The following AHCYL1 variants were observed in gnomAD, a reference collection of about 807,000 sequenced individuals.
AHCYL1 encodes S-adenosylhomocysteine hydrolase-like protein 1.
In AHCYL1, 20 loss-of-function variants were observed where a neutral mutation model predicts 79.3. The ratio of observed to expected loss-of-function variants is 0.25; its 90% CI spans 0.18 to 0.37. AHCYL1 has a LOEUF of 0.37. Among genes scored for constraint, AHCYL1 ranks in the 10% least tolerant of loss-of-function variants. AHCYL1 has a pLI of 1.00. For missense variants in AHCYL1, 330 were observed against 673.6 expected (o/e 0.49, Z 5.65); for synonymous variants, 223 against 242.2 (o/e 0.92, Z 0.74).
At chr1:109,991,908 T>C (rs905507358) in intron 1 of AHCYL1, among the ~76,000 whole-genome samples, 2 of 152,232 alleles carry the variant, frequency 1.3e-5, no homozygotes, top group East Asian at 3.8e-4. Context: ...CTCCAACTCT[T>C]CTAGTACTTA....
intron 1 of AHCYL1, chr1:110,004,289 G>C (rs1254077184): frequency 1.0e-6 from 1 of 985,438 alleles, no homozygotes; most frequent in South Asian, 4.7e-5. Flanking sequence ...GGGAGAGTGA[G>C]AACTTAAGAA....
chr1:110,008,803 G>A (rs1198783339), intron 1 of AHCYL1, among the ~76,000 whole-genome samples: 1 of 152,096 alleles, frequency 6.6e-6, no homozygotes, highest in Non-Finnish European at 1.5e-5. Flanking sequence ...CTTAACCTTA[G>A]CCCCTCCTCC....
chr1:110,011,155 T>C, intron 2 of AHCYL1, 59 bp from the exon 3 acceptor site: 1 of 1,599,994 alleles, frequency 6.3e-7, no homozygotes, highest in East Asian at 2.2e-5. Context: ...GACTGCACTC[T>C]GTAGAGTTGG....
Position 110,020,774 on chromosome 1 carries a change from C to A in AHCYL1, c.1509C>A (p.His503Gln). 6.2e-7 allele frequency: 1 copy of A among 1,613,506 alleles called. No homozygotes were observed. Among genetic ancestry groups the A allele is most frequent in the Non-Finnish European group, 8.5e-7 (1 of 1,179,766 alleles). Residue 503 changes from histidine (H) to glutamine (Q), a missense_variant, in exon 16 of 17, where the codon CAC becomes CAA. By Grantham distance (24) the His-to-Gln change is conservative. Transcript: ENST00000369799. The part of the protein sequence containing the change: ...ASLHLPSFDA[H>Q]LTELTDDQAK... ...TGCATCTGCCATCATTTGATGCCCA[C>A]CTTACAGAGCTGACAGATGACCAAG...
Position 110,020,748 on chromosome 1 carries a change from T to C in AHCYL1, c.1483T>C (p.Leu495=), listed in dbSNP as rs1273807567. The change falls in exon 16 of 17, where the codon TTG becomes CTG. Residue 495 remains leucine (L), a synonymous_variant. Transcript: ENST00000369799. Reference sequence around the variant, plus strand: ...CTTCCTAGATGAATACGTTGCCAGCTTGCATCTGCCATCATTTGATGCCCA... The same window carrying C: ...CTTCCTAGATGAATACGTTGCCAGCCTGCATCTGCCATCATTTGATGCCCA... The part of the protein sequence containing the change: ...PKKMDEYVAS[L]HLPSFDAHLT... 6.2e-7 allele frequency: 1 copy of C among 1,612,628 alleles called. No homozygotes were observed. The highest frequency in any genetic ancestry group is 1.3e-5 in the African/African-American group (1 of 74,812).
rs553511653 is a variant in AHCYL1, at chr1:110,021,230, G to C, written c.1586+379G>C. 9.9e-5 allele frequency among the ~76,000 whole-genome samples: 15 copies of C among 152,246 alleles called. No individual in the cohort carries two copies. The South Asian group carries it at 3.1e-3, about 32-fold the overall frequency. On this transcript the variant is annotated intron_variant, in intron 16 of 16. Transcript: ENST00000369799. ...CACTCCAGCCTGGGTGATGGAGTGA[G>C]ACTCTGTCTTAAAAACAAACAAACA...
intron 1 of AHCYL1, among the ~76,000 whole-genome samples, chr1:109,999,274 T>C (rs893927207): frequency 6.6e-6 from 1 of 152,232 alleles, no homozygotes; most frequent in Non-Finnish European, 1.5e-5. Context: ...TTTGTGTATA[T>C]GTGTGTGTAT....
chr1:110,008,644 AC>A (rs1650822474), intron 1 of AHCYL1, among the ~76,000 whole-genome samples: 1 of 152,158 alleles, frequency 6.6e-6, no homozygotes, highest in South Asian at 2.1e-4. Context: ...AAACCAAAAA[AC>A]CCCAGTAGCA....
chr1:110,019,664 CAT>C, intron 15 of AHCYL1, 38 bp downstream of exon 15: 3 of 1,566,926 alleles, frequency 1.9e-6, no homozygotes, highest in Non-Finnish European at 2.6e-6. Flanking sequence ...CAGACAGCTG[CAT>C]AGTTTGGTAA....
At chr1:109,989,970 A>G (rs1221144955) in intron 1 of AHCYL1, among the ~76,000 whole-genome samples, 1 of 152,230 alleles carries the variant, frequency 6.6e-6, no homozygotes, top group Non-Finnish European at 1.5e-5. Flanking sequence ...ATTATTGTCA[A>G]TACTATCAGT....
chr1:109,998,391 C>T (rs542786161), intron 1 of AHCYL1, among the ~76,000 whole-genome samples: 1 of 152,226 alleles, frequency 6.6e-6, no homozygotes, highest in South Asian at 2.1e-4. Flanking sequence ...GAGGCCAAAG[C>T]AGGAGGATCC....
In AHCYL1 at chr1:109,985,515, C is replaced by T; in HGVS notation, c.120+343C>T. Reference sequence around the variant, plus strand: ...CTGACCCTTGTGACCAGTCCGGGGGCATGGGGTGTACAGAAAATCTCCCTT... The same window carrying T: ...CTGACCCTTGTGACCAGTCCGGGGGTATGGGGTGTACAGAAAATCTCCCTT... On this transcript the variant is annotated intron_variant, in intron 1 of 16. Coordinates refer to ENST00000369799, the MANE Select transcript of AHCYL1 (RefSeq NM_006621.7). 4 of 1,014,288 alleles carry T rather than the reference C, an allele frequency of 3.9e-6. No homozygotes were observed. In the South Asian group the frequency reaches 1.6e-4, roughly 41 times the overall value. The allele number at this position is 1,014,288 out of a possible 1,614,324, so 62.8% of individuals were successfully genotyped here. A position where few individuals can be genotyped will look rare whatever the true frequency, so the allele number is the denominator to read the frequency against.
chr1:109,997,582 A>G lies in AHCYL1; in HGVS notation c.121-11452A>G, dbSNP rs140516330. Among the ~76,000 whole-genome samples the G allele has an allele frequency of 8.3e-3, 1,264 of 152,348 alleles. 7 individuals are homozygous for G. Among genetic ancestry groups the G allele is most frequent in the Non-Finnish European group, 0.015 (992 of 68,028 alleles). On this transcript the variant is annotated intron_variant, in intron 1 of 16. Transcript: ENST00000369799. The stretch of plus-strand genomic sequence containing the variant: ...GGGACGGCAGATAAGGGTTTGCCTT[A>G]ACATTTATACCAACGTTAATATATC...
chr1:110,005,591 C>T (rs1032451214), intron 1 of AHCYL1, among the ~76,000 whole-genome samples: 7 of 152,158 alleles, frequency 4.6e-5, no homozygotes, highest in Non-Finnish European at 8.8e-5. Flanking sequence ...TCCTGATCAC[C>T]ATTTCTTGGC....
chr1:110,017,621 G>T (rs1356020707), intron 10 of AHCYL1, 38 bp downstream of exon 10: 1 of 1,575,636 alleles, frequency 6.3e-7, no homozygotes, highest in Non-Finnish European at 8.7e-7. Flanking sequence ...ATTCACTCTA[G>T]GTGCTTTATG....
Position 110,018,474 on chromosome 1 carries a change from C to G in AHCYL1, c.1218+7C>G, listed in dbSNP as rs751631047. 1.9e-6 allele frequency: 3 copies of G among 1,613,992 alleles called. No homozygotes were observed. Among genetic ancestry groups the G allele is most frequent in the South Asian group, 1.1e-5 (1 of 91,078 alleles). On this transcript the variant is annotated splice_region_variant and intron_variant, in intron 12 of 16. Coordinates refer to ENST00000369799, the MANE Select transcript of AHCYL1 (RefSeq NM_006621.7). ...CAACACAGAAATCGATGTGGTAAGG[C>G]TTCTCTCATTTGTTGCTAGGCATTT...
intron 6 of AHCYL1, among the ~76,000 whole-genome samples, 159 bp downstream of exon 6, chr1:110,015,016 C>T (rs1439842234): frequency 1.3e-5 from 2 of 152,144 alleles, no homozygotes; most frequent in Non-Finnish European, 2.9e-5. Context: ...GGTCTGAGTA[C>T]TGAATGGAAA....
chr1:109,993,695 A>G (rs1649881066), intron 1 of AHCYL1, among the ~76,000 whole-genome samples: 1 of 152,238 alleles, frequency 6.6e-6, no homozygotes, highest in Non-Finnish European at 1.5e-5. Flanking sequence ...ATCTGAATAT[A>G]TGCCTCCAGC....
chr1:109,991,145 T>C (rs528916073), intron 1 of AHCYL1, among the ~76,000 whole-genome samples: 1 of 152,310 alleles, frequency 6.6e-6, no homozygotes, highest in African/African-American at 2.4e-5. Flanking sequence ...GCCTGGTGCC[T>C]TAATCTCAGA....
Sources: gnomAD v4.1 joint callset for allele counts (sites outside exome capture counted in the v4.1 genomes callset) on GRCh38, gnomAD v4.1.1 for gene constraint, MANE v1.5 for transcripts, NCBI Gene and HGNC (gene_info 2026-07-23, HGNC 2026-07-21) for gene names.